Variants in PRDM16 observed in about 807,000 individuals in gnomAD.
The protein encoded by PRDM16 is PR/SET domain 16, also known as histone-lysine N-methyltransferase PRDM16.
PRDM16 carries 23 observed loss-of-function variants against 110.6 expected under a neutral mutation model. The ratio of observed to expected loss-of-function variants is 0.21; its 90% CI spans 0.15 to 0.29. The LOEUF is 0.29. Ranked by LOEUF, PRDM16 falls within the 10% of genes least tolerant of loss-of-function variation. The pLI is 1.00. For missense variants in PRDM16, 1,615 were observed against 1,794.3 expected (o/e 0.90, Z 1.81); for synonymous variants, 799 against 781.8 (o/e 1.02, Z -0.37).
intron 8 of PRDM16, among the ~76,000 whole-genome samples, chr1:3,410,797 C>T (rs1480320895): frequency 2.0e-5 from 3 of 152,168 alleles, no homozygotes; most frequent in Non-Finnish European, 2.9e-5. Context: ...GCCCTGAATC[C>T]ACTGATGGAG....
chr1:3,166,365 G>A (rs1643956263), intron 1 of PRDM16, among the ~76,000 whole-genome samples: 1 of 152,260 alleles, frequency 6.6e-6, no homozygotes, highest in Non-Finnish European at 1.5e-5. Context: ...TGACCGTGGG[G>A]AACCCTCGGA....
intron 2 of PRDM16, among the ~76,000 whole-genome samples, chr1:3,233,365 A>G (rs1002598987): frequency 1.3e-5 from 2 of 152,174 alleles, no homozygotes; most frequent in Non-Finnish European, 2.9e-5. Flanking sequence ...GGGGTTTGCA[A>G]TGGCAGAGTT....
Position 3,433,952 on chromosome 1 carries a change from T to C in PRDM16, c.*141T>C. ...CCCACCCACCATGGTTCATTCCGAC[T>C]TTTCCAATGGAAACTCAGATCCCAA... On this transcript the variant is annotated 3_prime_UTR_variant, in exon 17 of 17. Transcript: ENST00000270722. 1.2e-6 allele frequency: 1 copy of C among 833,196 alleles called. No homozygotes were observed. The highest frequency in any genetic ancestry group is 1.8e-6 in the Non-Finnish European group (1 of 548,100). 51.6% of individuals were successfully genotyped at this position (833,196 alleles called of 1,614,324 possible).
At chr1:3,361,669 C>T (rs922861739) in intron 3 of PRDM16, among the ~76,000 whole-genome samples, 2 of 152,178 alleles carry the variant, frequency 1.3e-5, no homozygotes, top group Non-Finnish European at 2.9e-5. Context: ...GAAGACCCCA[C>T]ATGGGCTGGG....
Position 3,402,813 on chromosome 1 carries a change from C to T in PRDM16, c.699C>T (p.Asp233=), listed in dbSNP as rs374977013. 1.1e-5 allele frequency: 18 copies of T among 1,612,342 alleles called. No individual in the cohort carries two copies. Among genetic ancestry groups the T allele is most frequent in the Admixed American group, 5.0e-5 (3 of 59,994 alleles). Residue 233 remains aspartate (D), a synonymous_variant, in exon 6 of 17, where the codon GAC becomes GAT. Transcript: ENST00000270722. ...GLDEEPTFRC[D]ECDELFQSKL... Reference sequence around the variant, plus strand: ...CAGAGGAGCCCACGTTCCGCTGTGACGAGTGTGACGAACTCTTCCAGTCCA... The same window carrying T: ...CAGAGGAGCCCACGTTCCGCTGTGATGAGTGTGACGAACTCTTCCAGTCCA...
At position 3,189,052 on chromosome 1, in the gene PRDM16, G is replaced by A. The variant is rs115109932; in HGVS notation, c.387+2578G>A. On this transcript the variant is annotated intron_variant, in intron 2 of 16. Coordinates refer to ENST00000270722, the MANE Select transcript of PRDM16 (RefSeq NM_022114.4). Reference sequence around the variant, plus strand: ...TTTTTGCCTTCCCTGAGGTGGCCCCGGAGGGAGAAGTGACTTGCGGGTGAC... The same window carrying A: ...TTTTTGCCTTCCCTGAGGTGGCCCCAGAGGGAGAAGTGACTTGCGGGTGAC... 6.2e-3 allele frequency among the ~76,000 whole-genome samples: 947 copies of A among 152,326 alleles called. 5 individuals are homozygous for A. Among genetic ancestry groups the A allele is most frequent in the Non-Finnish European group, 0.011 (739 of 68,036 alleles).
chr1:3,181,662 ACACAGTCTTACACGC>A (rs2100786404), intron 1 of PRDM16, among the ~76,000 whole-genome samples: 1 of 120,768 alleles, frequency 8.3e-6, no homozygotes, highest in East Asian at 3.6e-4. Context: ...ACACGGTCTT[ACACAGTCTTACACGC>A]GCAGTCTTAC....
intron 1 of PRDM16, among the ~76,000 whole-genome samples, chr1:3,114,163 A>ACG (rs1359772301): frequency 8.9e-6 from 1 of 112,532 alleles, no homozygotes; most frequent in African/African-American, 3.2e-5. Context: ...GCACACACAC[A>ACG]CGCACACACA....
chr1:3,388,022 T>C (rs556292924), intron 4 of PRDM16, among the ~76,000 whole-genome samples: 24 of 152,252 alleles, frequency 1.6e-4, no homozygotes, highest in Non-Finnish European at 3.2e-4. Flanking sequence ...CACGGGAACG[T>C]GGGTTCCTGC....
intron 3 of PRDM16, 66 bp from the exon 4 acceptor site, chr1:3,385,086 A>G (rs1643172874): frequency 6.3e-7 from 1 of 1,588,798 alleles, no homozygotes; most frequent in African/African-American, 1.3e-5. Flanking sequence ...CTGGGTGGGC[A>G]GAGGCTGTGT....
intron 3 of PRDM16, among the ~76,000 whole-genome samples, chr1:3,257,474 G>T (rs904488562): frequency 6.6e-6 from 1 of 152,212 alleles, no homozygotes; most frequent in African/African-American, 2.4e-5. Flanking sequence ...AAGCAGAGCT[G>T]CCCTGCCAAG....
rs974175471 is a variant in PRDM16, at chr1:3,404,969, C to A, written c.1032+83C>A. 5.8e-5 allele frequency: 86 copies of A among 1,475,198 alleles called. 1 individual carries two copies. Among genetic ancestry groups the A allele is most frequent in the Middle Eastern group, 1.8e-4 (1 of 5,486 alleles). The allele number at this position is 1,475,198 out of a possible 1,614,324, so 91.4% of individuals were successfully genotyped here. ...GCCCGCCCCCGTGCTCCCTACACCC[C>A]CTGGTCCAAATGTAGATGGAGTGCG... On this transcript the variant is annotated intron_variant, in intron 7 of 16. Transcript: ENST00000270722.
intron 3 of PRDM16, among the ~76,000 whole-genome samples, chr1:3,328,716 G>A (rs940930671): frequency 7.2e-5 from 11 of 152,120 alleles, no homozygotes; most frequent in Admixed American, 2.0e-4. Context: ...GACTTGGCTC[G>A]GGCATCAGTG....
At position 3,412,016 on chromosome 1, in the gene PRDM16, G is replaced by T. The variant is rs773704725; in HGVS notation, c.1819G>T (p.Val607Phe). 2 of 1,613,568 alleles carry T rather than the reference G, an allele frequency of 1.2e-6. No homozygotes were observed. The highest frequency in any genetic ancestry group is 1.7e-6 in the Non-Finnish European group (2 of 1,179,956). ...DMSDGSDFED[V>F]NTTTGTDLDT... ...GTCGGACGGCAGTGACTTTGAGGAC[G>T]TCAACACCACCACGGGGACCGACCT... The change falls in exon 9 of 17, where the codon GTC becomes TTC. Residue 607 changes from valine to phenylalanine, a missense_variant. Val to Phe is a conservative substitution (Grantham distance 50). This residue lies in a region of PRDM16 where 772 missense variants were observed against 748.3 expected (regional missense o/e 1.03). Transcript: ENST00000270722.
rs1638783985 is a variant in PRDM16, at chr1:3,432,074, T to C, written c.3630T>C (p.Asp1210=). ...RAAEEAFEVK[D]VLNSTLDSEA... is the part of the protein sequence containing the mutation. ...CTGAGGAAGCATTTGAAGTTAAAGA[T>C]GTGCTTAATTCCACCTTAGATTCTG... is the stretch of plus-strand genomic sequence containing the variant. Residue 1210 remains aspartate, a synonymous_variant, in exon 16 of 17, where the codon GAT becomes GAC. Transcript: ENST00000270722. 2 of 1,613,976 alleles carry C rather than the reference T, an allele frequency of 1.2e-6. No individual in the cohort carries two copies. Among genetic ancestry groups the C allele is most frequent in the South Asian group, 2.2e-5 (2 of 91,084 alleles).
Position 3,300,524 on chromosome 1 carries a change from T to C in PRDM16, c.438+56387T>C, listed in dbSNP as rs1367671256. On this transcript the variant is annotated intron_variant, in intron 3 of 16. Transcript: ENST00000270722. ...TGAAGATGATGTGCTGTGGCCGTGA[T>C]GTTTCCGATCCCAGTCATGGTTTTC... Among the ~76,000 whole-genome samples the C allele has an allele frequency of 2.0e-5, 3 of 152,226 alleles. No individual in the cohort carries two copies. In the East Asian group the frequency reaches 5.8e-4, roughly 29 times the overall value.
At chr1:3,254,643 A>C (rs1002321021) in intron 3 of PRDM16, among the ~76,000 whole-genome samples, 1 of 152,212 alleles carries the variant, frequency 6.6e-6, no homozygotes, top group South Asian at 2.1e-4. Flanking sequence ...ACCACTGCTC[A>C]ATGAAATAAA....
chr1:3,411,569 G>T lies in PRDM16; in HGVS notation c.1372G>T (p.Ala458Ser). ...KNHYTPGGIF[A>S]PGLPLTPSPM... Reference sequence around the variant, plus strand: ...CCATTACACGCCGGGCGGCATCTTTGCCCCGGGCCTGCCCTTGACCCCCAG... The same window carrying T: ...CCATTACACGCCGGGCGGCATCTTTTCCCCGGGCCTGCCCTTGACCCCCAG... Residue 458 changes from alanine to serine, a missense_variant, in exon 9 of 17, where the codon GCC (alanine) becomes TCC (serine). Physicochemically the swap from Ala to Ser is moderately conservative, Grantham distance 99. This residue lies in a region of PRDM16 where 772 missense variants were observed against 748.3 expected (regional missense o/e 1.03). Transcript: ENST00000270722. 6.2e-7 allele frequency: 1 copy of T among 1,614,040 alleles called. No individual in the cohort carries two copies.
chr1:3,346,457 C>A (rs1264741553), intron 3 of PRDM16, among the ~76,000 whole-genome samples: 1 of 152,152 alleles, frequency 6.6e-6, no homozygotes, highest in Admixed American at 6.5e-5. Context: ...ACACTGCTGT[C>A]CCACGGTTCC....
Sources: allele counts gnomAD v4.1 joint callset (sites outside exome capture counted in the v4.1 genomes callset), GRCh38; gene constraint gnomAD v4.1.1; regional missense constraint gnomAD v4.1.1; transcripts MANE v1.5; gene names NCBI Gene and HGNC (gene_info 2026-07-23, HGNC 2026-07-21).